ODAD3: variants seen among roughly 807,000 people sequenced by gnomAD.
ODAD3 encodes outer dynein arm-docking complex subunit 3.
ODAD3 carries 57 observed loss-of-function variants against 70.9 expected under a neutral mutation model. The observed-to-expected ratio is 0.80, with a 90% CI of 0.65 to 1.00. ODAD3 has a LOEUF of 1.00. ODAD3 is among the 50% of genes least tolerant of loss of function. The pLI, the probability that ODAD3 is intolerant of heterozygous loss-of-function variation, is 0.00. For synonymous variants in ODAD3, 327 were observed against 315.9 expected (o/e 1.04, Z -0.37); for missense variants, 797 against 763.9 (o/e 1.04, Z -0.51).
intron 7 of ODAD3, among the ~76,000 whole-genome samples, chr19:11,425,408 T>G (rs774565941): frequency 9.0e-6 from 1 of 111,026 alleles, no homozygotes; most frequent in Non-Finnish European, 1.6e-5. Flanking sequence ...TATGTATATA[T>G]ACATATATGT....
At chr19:11,431,607 A>G (rs975635399) in intron 1 of ODAD3, among the ~76,000 whole-genome samples, 11 of 151,466 alleles carry the variant, frequency 7.3e-5, no homozygotes, top group African/African-American at 2.7e-4. Flanking sequence ...CCTGGCCAAC[A>G]TGGTGAAACC....
Position 11,434,929 on chromosome 19 carries a change from T to G in ODAD3, c.88A>C (p.Arg30=), listed in dbSNP as rs1357762335. Residue 30 remains arginine (R), a synonymous_variant, in exon 1 of 13, where the codon AGG becomes CGG. Coordinates refer to ENST00000356392, the MANE Select transcript of ODAD3 (RefSeq NM_145045.5). ...ASTPSSRVKG[R]EASGKPSHLR... ...TGGCTGGGTTTGCCCGAAGCCTCCCTGCCCTTGACCCTGGAAGAGGGCGTC... is the reference window on the plus strand; with the variant it reads ...TGGCTGGGTTTGCCCGAAGCCTCCCGGCCCTTGACCCTGGAAGAGGGCGTC... 6.2e-7 allele frequency: 1 copy of G among 1,613,934 alleles called. No individual in the cohort carries two copies. The highest frequency in any genetic ancestry group is 1.7e-5 in the Admixed American group (1 of 60,010).
chr19:11,430,626 G>T, intron 3 of ODAD3, 73 bp downstream of exon 3: 1 of 1,388,452 alleles, frequency 7.2e-7, no homozygotes, highest in South Asian at 1.2e-5. Context: ...ATTGGAGAGG[G>T]TGAGCCTGGA....
At chr19:11,421,022 C>T (rs1286571157) in intron 12 of ODAD3, 75 bp from the exon 13 acceptor site, 1 of 1,574,032 alleles carries the variant, frequency 6.4e-7, no homozygotes, top group Non-Finnish European at 8.7e-7. Flanking sequence ...TTCCCTTTAC[C>T]ACCCCACTCC....
chr19:11,426,515 C>A lies in ODAD3; in HGVS notation c.771G>T (p.Arg257Ser), dbSNP rs771799410. ...GCAGTGCCTCCAGCTCATGTTTGGT[C>A]CTCACCACCTCAGCCTCCATGGAGT... ...RLDSMEAEVVRTKHELEALHV... is the reference protein window; with the variant it reads ...RLDSMEAEVVSTKHELEALHV... The change falls in exon 6 of 13, where the codon AGG becomes AGT. Residue 257 changes from arginine (R) to serine (S), a missense_variant. Transcript: ENST00000356392. 6.2e-7 allele frequency: 1 copy of A among 1,614,004 alleles called. No individual in the cohort carries two copies. The highest frequency in any genetic ancestry group is 1.7e-5 in the Admixed American group (1 of 60,002).
At chr19:11,427,893 C>G (rs374797904) in intron 3 of ODAD3, among the ~76,000 whole-genome samples, 3 of 151,768 alleles carry the variant, frequency 2.0e-5, no homozygotes, top group East Asian at 4.0e-4. Flanking sequence ...GAGGTCAGGA[C>G]ATCGAGACCA....
Position 11,422,738 on chromosome 19 carries a change from C to T in ODAD3, c.1240G>A (p.Glu414Lys), listed in dbSNP as rs764060701. The change falls in exon 9 of 13, where the codon GAA (glutamate) becomes AAA (lysine). Residue 414 changes from glutamate (E) to lysine (K), a missense_variant. By Grantham distance (56) the Glu-to-Lys change is moderately conservative. Transcript: ENST00000356392. This position sits in a 1 kb window ranked among gnomAD's most constrained non-coding sequence, Gnocchi z 4.6. ...GCCTCCCCCGAGTACTTGAGGTCTTCCAGCTCCCGCTGCAGTTGTTGCTTC... is the reference window on the plus strand; with the variant it reads ...GCCTCCCCCGAGTACTTGAGGTCTTTCAGCTCCCGCTGCAGTTGTTGCTTC... ...QEKQQLQREL[E>K]DLKYSGEATL... The T allele has an allele frequency of 6.2e-7, 1 of 1,612,734 alleles. No individual in the cohort carries two copies. Among genetic ancestry groups the T allele is most frequent in the South Asian group, 1.1e-5 (1 of 91,086 alleles).
rs959235423 is a variant in ODAD3, at chr19:11,420,735, G to A, written c.*100C>T. 22 of 1,037,344 alleles carry A rather than the reference G, an allele frequency of 2.1e-5. No individual in the cohort carries two copies. The highest frequency in any genetic ancestry group is 2.7e-4 in the Middle Eastern group (1 of 3,710). The allele number at this position is 1,037,344 out of a possible 1,614,324, so 64.3% of individuals were successfully genotyped here. ...CGCTGGCCGCCTCCGTTCCCGGTCC[G>A]GGCCGCGTTCAGCCCCTGAAGGGGC... On this transcript the variant is annotated 3_prime_UTR_variant, in exon 13 of 13. Coordinates refer to ENST00000356392, the MANE Select transcript of ODAD3 (RefSeq NM_145045.5).
At position 11,421,110 on chromosome 19, in the gene ODAD3, C is replaced by G; in HGVS notation, c.1675+18G>C. 1.2e-6 allele frequency: 2 copies of G among 1,612,226 alleles called. No individual in the cohort carries two copies. Among genetic ancestry groups the G allele is most frequent in the Non-Finnish European group, 1.7e-6 (2 of 1,179,064 alleles). Reference sequence around the variant, plus strand: ...TGGGGCCCCAACCGCACCCCTTCATCCCCCCACCCATACTGACCAAAAAAC... The same window carrying G: ...TGGGGCCCCAACCGCACCCCTTCATGCCCCCACCCATACTGACCAAAAAAC... On this transcript the variant is annotated intron_variant, in intron 12 of 12. Transcript: ENST00000356392.
Position 11,424,940 on chromosome 19 carries a change from T to C in ODAD3, c.964-911A>G, listed in dbSNP as rs867963553. On this transcript the variant is annotated intron_variant, in intron 7 of 12. Coordinates refer to ENST00000356392, the MANE Select transcript of ODAD3 (RefSeq NM_145045.5). ...ATATGTACCTATGTGTATATATGTA[T>C]ATATGTGTATATGTACATATGTGTA... 1.8e-5 allele frequency among the ~76,000 whole-genome samples: 2 copies of C among 111,730 alleles called. 1 individual carries two copies. Among genetic ancestry groups the C allele is most frequent in the Admixed American group, 1.8e-4 (2 of 11,356 alleles). The allele number at this position is 111,730 out of a possible 152,430, so 73.3% of individuals were successfully genotyped here. A position where few individuals can be genotyped will look rare whatever the true frequency, so the allele number is the denominator to read the frequency against.
chr19:11,435,233 T>C (rs1174503316), upstream of ODAD3: 2 of 1,393,522 alleles, frequency 1.4e-6, no homozygotes, highest in East Asian at 5.2e-5. Context: ...TGGCTGACAC[T>C]GCGTTCTCAT....
At chr19:11,429,365 C>T (rs1259556270) in intron 3 of ODAD3, among the ~76,000 whole-genome samples, 1 of 151,974 alleles carries the variant, frequency 6.6e-6, no homozygotes, top group Admixed American at 6.6e-5. Context: ...GCGCCCACCA[C>T]CATGCCTGGC....
intron 10 of ODAD3, 76 bp from the exon 11 acceptor site, chr19:11,421,908 T>C (rs1969145075): frequency 2.0e-6 from 3 of 1,505,616 alleles, no homozygotes; most frequent in South Asian, 2.5e-5. Flanking sequence ...GCGGGGCTTT[T>C]CTTTCGGGGG....
chr19:11,427,762 G>T (rs1252643312), intron 3 of ODAD3, among the ~76,000 whole-genome samples: 1 of 151,394 alleles, frequency 6.6e-6, no homozygotes, highest in Non-Finnish European at 1.5e-5. Flanking sequence ...GATTACAGAC[G>T]TGAGCCACCT....
At position 11,420,734 on chromosome 19, in the gene ODAD3, C is replaced by A; in HGVS notation, c.*101G>T. ...CCGCTGGCCGCCTCCGTTCCCGGTC[C>A]GGGCCGCGTTCAGCCCCTGAAGGGG... On this transcript the variant is annotated 3_prime_UTR_variant, in exon 13 of 13. Coordinates refer to ENST00000356392, the MANE Select transcript of ODAD3 (RefSeq NM_145045.5). 9.8e-7 allele frequency: 1 copy of A among 1,023,756 alleles called. No individual in the cohort carries two copies. Among genetic ancestry groups the A allele is most frequent in the Non-Finnish European group, 1.5e-6 (1 of 675,708 alleles). The allele number at this position is 1,023,756 out of a possible 1,614,324, so 63.4% of individuals were successfully genotyped here. A position where few individuals can be genotyped will look rare whatever the true frequency, so the allele number is the denominator to read the frequency against.
Position 11,435,064 on chromosome 19 carries a change from A to G in ODAD3, c.-48T>C. On this transcript the variant is annotated 5_prime_UTR_variant, in exon 1 of 13. Coordinates refer to ENST00000356392, the MANE Select transcript of ODAD3 (RefSeq NM_145045.5). ...CCTAGGGGTTAGGGGGATAACTAGGAGTCAGTCGCCCCTGTCAGGGATCCG... is the reference window on the plus strand; with the variant it reads ...CCTAGGGGTTAGGGGGATAACTAGGGGTCAGTCGCCCCTGTCAGGGATCCG... 1 of 1,550,544 alleles carries G rather than the reference A, an allele frequency of 6.4e-7. No individual in the cohort carries two copies. Among genetic ancestry groups the G allele is most frequent in the Non-Finnish European group, 8.7e-7 (1 of 1,151,632 alleles).
At chr19:11,429,956 G>T (rs7252163) in intron 3 of ODAD3, among the ~76,000 whole-genome samples, 357 of 151,294 alleles carry the variant, frequency 2.4e-3, no homozygotes, top group African/African-American at 8.1e-3. Context: ...TCCAGCCTCA[G>T]CCTCCTGAAT....
chr19:11,424,505 G>A (rs11879895), intron 7 of ODAD3, among the ~76,000 whole-genome samples: 2 of 140,252 alleles, frequency 1.4e-5, no homozygotes, highest in Admixed American at 7.0e-5. Context: ...ATATATATAT[G>A]TATATATGTA....
In ODAD3 at chr19:11,421,948, A is replaced by G. The variant is rs902208721; in HGVS notation, c.1435-116T>C. 3.4e-5 allele frequency: 40 copies of G among 1,185,482 alleles called. 1 individual carries two copies. In the Middle Eastern group the frequency reaches 1.5e-3, roughly 44 times the overall value. 73.4% of individuals were successfully genotyped at this position (1,185,482 alleles called of 1,614,324 possible). ...GCCTAGGAGGTAAGGGCCCACCTGC[A>G]GGGTCGATCCTAGCCATTGGGGGCG... On this transcript the variant is annotated intron_variant, in intron 10 of 12. Transcript: ENST00000356392.
Sources: gnomAD v4.1 joint callset for allele counts (sites outside exome capture counted in the v4.1 genomes callset) on GRCh38, gnomAD v4.1.1 for gene constraint, Gnocchi (gnomAD v3.1) non-coding constraint, MANE v1.5 for transcripts, NCBI Gene and HGNC (gene_info 2026-07-23, HGNC 2026-07-21) for gene names.